Variants in PHACTR1 observed in about 807,000 individuals in gnomAD.
The protein encoded by PHACTR1 is phosphatase and actin regulator 1.
PHACTR1 carries 16 observed loss-of-function variants against 69.2 expected under a neutral mutation model. The ratio of observed to expected loss-of-function variants is 0.23; its 90% CI spans 0.16 to 0.35. The LOEUF (loss-of-function observed/expected upper bound fraction) is 0.35, where lower values mean the gene tolerates loss of function less well. PHACTR1 is among the 10% of genes least tolerant of loss of function. The pLI is 1.00. For synonymous variants in PHACTR1, 312 were observed against 284.5 expected, an observed-to-expected ratio of 1.10 and a Z score of -0.97; for missense variants, 510 against 734.7, an observed-to-expected ratio of 0.69 and a Z score of 3.54.
chr6:13,136,858 T>C (rs1821637807), intron 5 of PHACTR1, among the ~76,000 whole-genome samples: 1 of 152,228 alleles, frequency 6.6e-6, no homozygotes. Flanking sequence ...CACTGTCTTA[T>C]ATGGGTGTGA....
chr6:13,093,837 TC>T (rs1480433212), intron 5 of PHACTR1, among the ~76,000 whole-genome samples: 2 of 152,204 alleles, frequency 1.3e-5, no homozygotes, highest in Non-Finnish European at 2.9e-5. Context: ...GAATCTGATT[TC>T]GAAGAGCCAG....
intron 4 of PHACTR1, among the ~76,000 whole-genome samples, chr6:12,832,690 T>C (rs142416531): frequency 1.3e-5 from 2 of 152,282 alleles, no homozygotes; most frequent in East Asian, 1.9e-4. Flanking sequence ...ACTTACCCCA[T>C]TGCTTGTTTC....
At chr6:13,164,339 T>C (rs920601345) in intron 6 of PHACTR1, among the ~76,000 whole-genome samples, 2 of 152,228 alleles carry the variant, frequency 1.3e-5, no homozygotes, top group African/African-American at 4.8e-5. Flanking sequence ...ATAAATCTCA[T>C]AGATTCGGAG....
intron 12 of PHACTR1, chr6:13,281,656 CTGTT>C (rs1780270540): frequency 6.3e-6 from 1 of 159,414 alleles, no homozygotes; most frequent in South Asian, 1.6e-4. Context: ...GAGTAGGAGT[CTGTT>C]TATCTGGAGT....
At chr6:12,766,065 C>G (rs1768574340) in intron 4 of PHACTR1, among the ~76,000 whole-genome samples, 1 of 152,120 alleles carries the variant, frequency 6.6e-6, no homozygotes, top group Non-Finnish European at 1.5e-5. Flanking sequence ...GACCTGGACC[C>G]TAGGAACTAT....
chr6:13,265,080 T>A (rs899901520), intron 10 of PHACTR1: 1 of 152,248 alleles, frequency 6.6e-6, no homozygotes, highest in Admixed American at 6.5e-5. Context: ...CACAGCCTCC[T>A]TCACTTCTAC....
At chr6:13,278,360 C>A in intron 12 of PHACTR1, 31 bp downstream of exon 12, 1 of 1,569,432 alleles carries the variant, frequency 6.4e-7, no homozygotes, top group Non-Finnish European at 8.6e-7. Context: ...AGAGCTGGGA[C>A]AGGAGAGGGT....
chr6:12,757,167 G>A (rs758970164), intron 4 of PHACTR1, among the ~76,000 whole-genome samples: 1 of 152,166 alleles, frequency 6.6e-6, no homozygotes, highest in Non-Finnish European at 1.5e-5. Flanking sequence ...GAGGAGAAGG[G>A]CTTTGAACAC....
chr6:13,285,584 G>A (rs530870898), intron 13 of PHACTR1, among the ~76,000 whole-genome samples: 1 of 152,084 alleles, frequency 6.6e-6, no homozygotes, highest in African/African-American at 2.4e-5. Context: ...GGGGTGATTC[G>A]GGATCATCTC....
chr6:12,978,558 A>G (rs1446963128), intron 4 of PHACTR1, among the ~76,000 whole-genome samples: 2 of 152,188 alleles, frequency 1.3e-5, no homozygotes, highest in Middle Eastern at 3.2e-3. Context: ...GGGCTCCCCA[A>G]TAAAAATAAG....
chr6:13,244,258 TTA>T (rs879547257), intron 10 of PHACTR1, among the ~76,000 whole-genome samples: 2,175 of 152,196 alleles, frequency 0.014, 44 homozygotes, highest in African/African-American at 0.049. Flanking sequence ...CATCAAGTAC[TTA>T]ACAGGGTAAT....
chr6:12,774,826 T>A (rs1284490208), intron 4 of PHACTR1, among the ~76,000 whole-genome samples: 1 of 152,218 alleles, frequency 6.6e-6, no homozygotes, highest in Admixed American at 6.5e-5. Context: ...GGAAAGGGTA[T>A]AGAAGCAAGA....
chr6:12,926,798 C>G (rs1474084502), intron 4 of PHACTR1, among the ~76,000 whole-genome samples: 1 of 152,248 alleles, frequency 6.6e-6, no homozygotes, highest in East Asian at 1.9e-4. Context: ...TCCAGCAGAG[C>G]TGATCATGAG....
chr6:12,900,950 G>A (rs1303546405), intron 4 of PHACTR1, among the ~76,000 whole-genome samples: 1 of 151,622 alleles, frequency 6.6e-6, no homozygotes, highest in African/African-American at 2.4e-5. Context: ...CTTTTTTTAC[G>A]AAGGGCAGTT....
chr6:12,785,718 C>T (rs1331950184), intron 4 of PHACTR1, among the ~76,000 whole-genome samples: 1 of 152,176 alleles, frequency 6.6e-6, no homozygotes, highest in Non-Finnish European at 1.5e-5. Context: ...TGCCCTCTAA[C>T]ACATTTTGTT....
intron 3 of PHACTR1, among the ~76,000 whole-genome samples, chr6:12,738,486 T>C (rs566798178): frequency 6.6e-6 from 1 of 152,352 alleles, no homozygotes; most frequent in East Asian, 1.9e-4. Context: ...GCTTGATCTT[T>C]ACTATGATGG....
intron 5 of PHACTR1, among the ~76,000 whole-genome samples, chr6:13,056,210 C>A (rs376199286): frequency 3.3e-5 from 5 of 152,156 alleles, no homozygotes; most frequent in Non-Finnish European, 7.4e-5. Context: ...GAGTTAAAAA[C>A]CAGCCTGGGC....
chr6:12,880,507 T>G (rs369822815), intron 4 of PHACTR1, among the ~76,000 whole-genome samples: 147 of 152,206 alleles, frequency 9.7e-4, no homozygotes, highest in African/African-American at 3.3e-3. Context: ...CTGTCCACAT[T>G]GGCATCCCAA....
At chr6:12,719,575 T>G (rs1025570161) in intron 3 of PHACTR1, among the ~76,000 whole-genome samples, 2 of 152,196 alleles carry the variant, frequency 1.3e-5, no homozygotes, top group Non-Finnish European at 2.9e-5. Flanking sequence ...AGCAACCTGA[T>G]GATGGGCATG....
Sources: allele counts gnomAD v4.1 joint callset (sites outside exome capture counted in the v4.1 genomes callset), GRCh38; gene constraint gnomAD v4.1.1; transcripts MANE v1.5; gene names NCBI Gene and HGNC (gene_info 2026-07-23, HGNC 2026-07-21).